The following VCAN variants were observed in gnomAD, a reference collection of about 807,000 sequenced individuals.
The protein encoded by VCAN is versican core protein.
A neutral mutation model predicts 245.5 loss-of-function variants in VCAN; 44 were observed. The ratio of observed to expected loss-of-function variants is 0.18; its 90% CI spans 0.14 to 0.23. The LOEUF (loss-of-function observed/expected upper bound fraction) is 0.23, where lower values mean the gene tolerates loss of function less well. Among genes scored for constraint, VCAN ranks in the 10% least tolerant of loss-of-function variants. VCAN has a pLI of 1.00. For missense variants in VCAN, 3,793 were observed against 4,057.9 expected (o/e 0.93, Z 1.77); for synonymous variants, 1,413 against 1,437.0 (o/e 0.98, Z 0.38).
intron 12 of VCAN, among the ~76,000 whole-genome samples, chr5:83,569,612 T>A (rs1748212549): frequency 6.6e-6 from 1 of 152,048 alleles, no homozygotes; most frequent in South Asian, 2.1e-4. Context: ...GAAAGGGAGA[T>A]GGGACAGTGT....
At position 83,512,268 on chromosome 5, in the gene VCAN, G is replaced by A. The variant is rs968555644; in HGVS notation, c.914G>A (p.Arg305His). The A allele has an allele frequency of 1.9e-6, 3 of 1,614,160 alleles. No individual in the cohort carries two copies. The highest frequency in any genetic ancestry group is 1.1e-5 in the South Asian group (1 of 91,076). ...DYGWLSDASV[R>H]HPVTVARAQC... The stretch of plus-strand genomic sequence containing the variant: ...GGGTGGCTGTCGGATGCCAGCGTGC[G>A]CCACCCTGTGACTGTGGCCAGGGCC... The change falls in exon 6 of 15, where the codon CGC (arginine) becomes CAC (histidine). Residue 305 changes from arginine (R) to histidine (H), a missense_variant. Arg to His is a conservative substitution (Grantham distance 29, BLOSUM62 0). Around this residue, in one of 5 missense-constraint regions of VCAN, gnomAD observed 190 missense variants for 288.6 expected, o/e 0.66. Transcript: ENST00000265077.
At position 83,539,127 on chromosome 5, in the gene VCAN, G is replaced by A. The variant is rs149515874; in HGVS notation, c.6124G>A (p.Asp2042Asn). 91 of 1,613,812 alleles carry A rather than the reference G, an allele frequency of 5.6e-5. No homozygotes were observed. In the African/African-American group the frequency reaches 8.7e-4, roughly 15 times the overall value. Reference protein sequence around the residue: ...KFSGTASSIIDEGLGEVGTVN... With the variant: ...KFSGTASSIINEGLGEVGTVN... ...TTCTGGTACAGCTTCCTCCATTATC[G>A]ACGAAGGATTGGGAGAAGTGGGTAC... The change falls in exon 8 of 15, where the codon GAC (aspartate) becomes AAC (asparagine). Residue 2042 changes from aspartate (D) to asparagine (N), a missense_variant. Coordinates refer to ENST00000265077, the MANE Select transcript of VCAN (RefSeq NM_004385.5).
At position 83,493,570 on chromosome 5, in the gene VCAN, C is replaced by T. The variant is rs1238103951; in HGVS notation, c.470C>T (p.Ala157Val). Residue 157 changes from alanine (A) to valine (V), a missense_variant, in exon 4 of 15, where the codon GCA (alanine) becomes GTA (valine). Transcript: ENST00000265077. Reference protein sequence around the residue: ...VDGVVFHYRAATSRYTLNFEA... With the variant: ...VDGVVFHYRAVTSRYTLNFEA... Reference sequence around the variant, plus strand: ...GGGGTTGTGTTTCACTACAGGGCGGCAACCAGCAGGTACACACTGAATTTT... The same window carrying T: ...GGGGTTGTGTTTCACTACAGGGCGGTAACCAGCAGGTACACACTGAATTTT... 1 of 1,613,484 alleles carries T rather than the reference C, an allele frequency of 6.2e-7. No individual in the cohort carries two copies. The highest frequency in any genetic ancestry group is 8.5e-7 in the Non-Finnish European group (1 of 1,180,022).
At chr5:83,551,843 TC>T (rs1747481740) in intron 10 of VCAN, among the ~76,000 whole-genome samples, 1 of 151,900 alleles carries the variant, frequency 6.6e-6, no homozygotes, top group South Asian at 2.1e-4. Context: ...CAAATGAACT[TC>T]CCCAAAGCAG....
At chr5:83,567,779 G>A (rs572544260) in intron 12 of VCAN, among the ~76,000 whole-genome samples, 1 of 152,174 alleles carries the variant, frequency 6.6e-6, no homozygotes, top group Non-Finnish European at 1.5e-5. Context: ...ACATGCAGGG[G>A]AATGACCAGC....
At chr5:83,490,608 G>A in intron 3 of VCAN, 136 bp downstream of exon 3, 3 of 1,323,978 alleles carry the variant, frequency 2.3e-6, no homozygotes, top group East Asian at 2.5e-5. Flanking sequence ...AGTAGTCCAC[G>A]TCTTTCACCA....
At chr5:83,550,585 A>C (rs534515355) in intron 10 of VCAN, among the ~76,000 whole-genome samples, 1 of 152,224 alleles carries the variant, frequency 6.6e-6, no homozygotes, top group African/African-American at 2.4e-5. Context: ...TGTTGAATTC[A>C]TGAATAATAA....
intron 7 of VCAN, among the ~76,000 whole-genome samples, chr5:83,525,699 C>T (rs1419505452): frequency 2.0e-5 from 3 of 151,790 alleles, no homozygotes; most frequent in African/African-American, 4.8e-5. Flanking sequence ...TTTGTATCTA[C>T]CCAAATGTAT....
intron 7 of VCAN, among the ~76,000 whole-genome samples, chr5:83,524,536 GTACCTACCTACC>G (rs58462835): frequency 0.054 from 7,906 of 147,348 alleles, 390 homozygotes; most frequent in East Asian, 0.15. Flanking sequence ...ACCTACCTGC[GTACCTACCTACC>G]TACCTACCTA....
At position 83,537,942 on chromosome 5, in the gene VCAN, G is replaced by A. The variant is rs1746791681; in HGVS notation, c.4939G>A (p.Glu1647Lys). ...TACAGAAGGCTCTGGAGAAGCAGAA[G>A]AAGATGAAGATACAATGTTCACCAT... Reference protein sequence around the residue: ...PITEGSGEAEEDEDTMFTMVT... With the variant: ...PITEGSGEAEKDEDTMFTMVT... Residue 1647 changes from glutamate to lysine, a missense_variant, in exon 8 of 15, where the codon GAA becomes AAA. Physicochemically the swap from Glu to Lys is moderately conservative, Grantham distance 56. This residue lies in a region of VCAN where 3,182 missense variants were observed against 3,250.3 expected (regional missense o/e 0.98). Transcript: ENST00000265077. 1.9e-6 allele frequency: 3 copies of A among 1,613,806 alleles called. No individual in the cohort carries two copies. Among genetic ancestry groups the A allele is most frequent in the Non-Finnish European group, 2.5e-6 (3 of 1,179,958 alleles).
intron 12 of VCAN, among the ~76,000 whole-genome samples, chr5:83,565,390 G>GGTGTGTGTGT (rs6149088): frequency 6.7e-6 from 1 of 149,132 alleles, no homozygotes; most frequent in African/African-American, 2.5e-5. Context: ...TATGTGTAAG[G>GGTGTGTGTGT]GTGTGTGTGT....
chr5:83,547,896 T>TC lies in VCAN; in HGVS notation c.9380-75_9380-74insC, dbSNP rs1162854246. ...TTAACTGGCTGTCTTGTATGTTATC[T>TC]TGCAACCTCACACTAAATGGAATTC... On this transcript the variant is annotated intron_variant, in intron 9 of 14. Transcript: ENST00000265077. 1.7e-5 allele frequency: 16 copies of TC among 943,646 alleles called. No homozygotes were observed. In the East Asian group the frequency reaches 3.8e-4, roughly 22 times the overall value. The allele number at this position is 943,646 out of a possible 1,614,324, so 58.5% of individuals were successfully genotyped here.
rs149076424 is a variant in VCAN, at chr5:83,479,875, A to T, written c.-6-3638A>T. ...GATATATTTACTGTAGAAATAAATG[A>T]TCATCTTTTAATTCAAGGTTTGCAA... On this transcript the variant is annotated intron_variant, in intron 1 of 14. Transcript: ENST00000265077. Among the ~76,000 whole-genome samples, 7 of 152,300 alleles carry T rather than the reference A, an allele frequency of 4.6e-5. No homozygotes were observed. The East Asian group carries it at 1.3e-3, about 29-fold the overall frequency.
At chr5:83,511,083 C>T (rs1318786843) in intron 5 of VCAN, among the ~76,000 whole-genome samples, 1 of 151,636 alleles carries the variant, frequency 6.6e-6, no homozygotes, top group Non-Finnish European at 1.5e-5. Context: ...CACTGCACTG[C>T]AGCCTGGGCT....
Position 83,537,022 on chromosome 5 carries a change from T to C in VCAN, c.4019T>C (p.Leu1340Ser). 2 of 1,596,986 alleles carry C rather than the reference T, an allele frequency of 1.3e-6. No individual in the cohort carries two copies. The highest frequency in any genetic ancestry group is 1.7e-6 in the Non-Finnish European group (2 of 1,172,224). ...RENKTGRMSD[L>S]SVIGHPIDSE... Reference sequence around the variant, plus strand: ...TTTTTTTCAGGTCGAATGAGTGATTTGAGTGTAATTGGTCATCCAATAGAT... The same window carrying C: ...TTTTTTTCAGGTCGAATGAGTGATTCGAGTGTAATTGGTCATCCAATAGAT... The change falls in exon 8 of 15, where the codon TTG becomes TCG. Residue 1340 changes from leucine to serine, a missense_variant. Physicochemically the swap from Leu to Ser is moderately radical, Grantham distance 145. Coordinates refer to ENST00000265077, the MANE Select transcript of VCAN (RefSeq NM_004385.5).
chr5:83,534,380 T>C (rs752338285), intron 7 of VCAN, among the ~76,000 whole-genome samples: 2 of 152,098 alleles, frequency 1.3e-5, no homozygotes, highest in Non-Finnish European at 2.9e-5. Flanking sequence ...CCCAGCTGAA[T>C]GGCTCGTTTT....
chr5:83,496,188 A>T (rs1745155041), intron 5 of VCAN, among the ~76,000 whole-genome samples: 1 of 152,190 alleles, frequency 6.6e-6, no homozygotes, highest in African/African-American at 2.4e-5. Flanking sequence ...GTGTTCAGGA[A>T]CTGGACTCTG....
chr5:83,515,146 G>A (rs550709954), intron 6 of VCAN, among the ~76,000 whole-genome samples: 2 of 152,300 alleles, frequency 1.3e-5, no homozygotes, highest in East Asian at 3.9e-4. Context: ...AGTAAGCAAA[G>A]TAATGTCTTT....
intron 8 of VCAN, among the ~76,000 whole-genome samples, chr5:83,544,071 TCA>T (rs1747105966): frequency 6.6e-6 from 1 of 152,252 alleles, no homozygotes; most frequent in Non-Finnish European, 1.5e-5. Flanking sequence ...GTGTGGCACA[TCA>T]CAGTCTGATA....
Sources: gnomAD v4.1 joint callset for allele counts (sites outside exome capture counted in the v4.1 genomes callset) on GRCh38, gnomAD v4.1.1 for gene constraint, gnomAD v4.1.1 regional missense constraint, MANE v1.5 for transcripts, NCBI Gene and HGNC (gene_info 2026-07-23, HGNC 2026-07-21) for gene names.